KIRREL1: variants seen among roughly 807,000 people sequenced by gnomAD.
The protein encoded by KIRREL1 is kin of IRRE-like protein 1.
A neutral mutation model predicts 83.3 loss-of-function variants in KIRREL1; 25 were observed. That is an observed-to-expected ratio of 0.30 (90% CI 0.22 to 0.42). KIRREL1 has a LOEUF of 0.42. Ranked by LOEUF, KIRREL1 falls within the 10% of genes least tolerant of loss-of-function variation. The pLI, the probability that KIRREL1 is intolerant of heterozygous loss-of-function variation, is 1.00. For synonymous variants in KIRREL1, 388 were observed against 410.4 expected, an observed-to-expected ratio of 0.95 and a Z score of 0.66; for missense variants, 812 against 1,032.3, an observed-to-expected ratio of 0.79 and a Z score of 2.92.
chr1:158,004,492 G>A (rs1429817240), intron 1 of KIRREL1, among the ~76,000 whole-genome samples: 1 of 152,164 alleles, frequency 6.6e-6, no homozygotes, highest in East Asian at 1.9e-4. Flanking sequence ...TTAGAATTAG[G>A]TCTGTGTCTT....
At chr1:158,090,717 A>C (rs1164336100) in intron 10 of KIRREL1, among the ~76,000 whole-genome samples, 1 of 152,162 alleles carries the variant, frequency 6.6e-6, no homozygotes, top group Non-Finnish European at 1.5e-5. Flanking sequence ...AAGTCTGTGG[A>C]TCAGTCTCAG....
intron 1 of KIRREL1, among the ~76,000 whole-genome samples, chr1:158,027,034 G>T (rs886742986): frequency 7.9e-5 from 12 of 152,124 alleles, no homozygotes; most frequent in Non-Finnish European, 1.5e-4. Context: ...CCTGGAGATA[G>T]CATCAGATCC....
chr1:158,051,171 G>A lies in KIRREL1; in HGVS notation c.53-24942G>A, dbSNP rs534746117. Among the ~76,000 whole-genome samples, 19 of 152,308 alleles carry A rather than the reference G, an allele frequency of 1.2e-4. 1 individual carries two copies. The South Asian group carries it at 2.9e-3, about 23-fold the overall frequency. On this transcript the variant is annotated intron_variant, in intron 1 of 14. Transcript: ENST00000359209. ...AGAAGCACATGGGCAGCCCAGTGTA[G>A]TTGCAAGGTTTGCTCACACTCAGTG...
At chr1:158,074,750 G>A (rs7515793) in intron 1 of KIRREL1, among the ~76,000 whole-genome samples, 110,143 of 152,040 alleles carry the variant, frequency 0.72, 39,986 homozygotes, top group Admixed American at 0.77. Context: ...GGAAGGAAGG[G>A]GATGAGACTA....
At chr1:157,999,959 A>G (rs1278334180) in intron 1 of KIRREL1, among the ~76,000 whole-genome samples, 2 of 152,116 alleles carry the variant, frequency 1.3e-5, no homozygotes, top group African/African-American at 4.8e-5. Context: ...TGTTATCCCC[A>G]TTTTACAGAT....
At chr1:158,047,959 C>T (rs931159128) in intron 1 of KIRREL1, among the ~76,000 whole-genome samples, 1 of 152,166 alleles carries the variant, frequency 6.6e-6, no homozygotes, top group Non-Finnish European at 1.5e-5. Context: ...TCTGATGAAG[C>T]CAGAAACTTT....
At position 157,993,661 on chromosome 1, in the gene KIRREL1, A is replaced by T; in HGVS notation, c.-16A>T. 6.8e-7 allele frequency: 1 copy of T among 1,468,802 alleles called. No individual in the cohort carries two copies. The highest frequency in any genetic ancestry group is 9.0e-7 in the Non-Finnish European group (1 of 1,106,930). The allele number at this position is 1,468,802 out of a possible 1,614,324, so 91.0% of individuals were successfully genotyped here. Reference sequence around the variant, plus strand: ...CCGGGCCCCAGCCGCGGGCGGGCGCACGGCGGGCGGACAGCATGCTGAGCC... The same window carrying T: ...CCGGGCCCCAGCCGCGGGCGGGCGCTCGGCGGGCGGACAGCATGCTGAGCC... On this transcript the variant is annotated 5_prime_UTR_variant, in exon 1 of 15. Transcript: ENST00000359209.
intron 8 of KIRREL1, 125 bp downstream of exon 8, chr1:158,088,579 G>A (rs1662094438): frequency 2.5e-6 from 2 of 786,192 alleles, no homozygotes; most frequent in Non-Finnish European, 3.6e-6. Context: ...CCGCCTCCCG[G>A]GTTCACGCCA....
At chr1:158,039,298 C>T (rs955771811) in intron 1 of KIRREL1, among the ~76,000 whole-genome samples, 1 of 152,248 alleles carries the variant, frequency 6.6e-6, no homozygotes, top group Non-Finnish European at 1.5e-5. Context: ...TGGAAATGTA[C>T]TTCCCTTTAC....
At chr1:158,041,290 C>T (rs1032679886) in intron 1 of KIRREL1, among the ~76,000 whole-genome samples, 2 of 152,324 alleles carry the variant, frequency 1.3e-5, no homozygotes, top group Admixed American at 6.5e-5. Flanking sequence ...CATCTCACAA[C>T]TCCCGTGTGC....
intron 1 of KIRREL1, among the ~76,000 whole-genome samples, chr1:158,024,673 A>G (rs2101658685): frequency 6.6e-6 from 1 of 152,332 alleles, no homozygotes; most frequent in South Asian, 2.1e-4. Context: ...ATCCAACTGT[A>G]GAATGCCATA....
chr1:158,043,324 C>G (rs142527069), intron 1 of KIRREL1, among the ~76,000 whole-genome samples: 14 of 152,258 alleles, frequency 9.2e-5, no homozygotes, highest in African/African-American at 3.1e-4. Context: ...TCATTCCCCC[C>G]TTATGGAAAG....
At chr1:158,067,880 T>C (rs1349324845) in intron 1 of KIRREL1, among the ~76,000 whole-genome samples, 1 of 152,200 alleles carries the variant, frequency 6.6e-6, no homozygotes, top group Non-Finnish European at 1.5e-5. Context: ...CTGGCCTCTG[T>C]GGTCTGCTCA....
intron 1 of KIRREL1, among the ~76,000 whole-genome samples, chr1:158,012,664 T>C (rs190266556): frequency 1.1e-4 from 16 of 152,358 alleles, no homozygotes; most frequent in Admixed American, 5.2e-4. Flanking sequence ...CTTTATAACA[T>C]GGAATTCATA....
intron 1 of KIRREL1, among the ~76,000 whole-genome samples, chr1:157,998,449 A>G (rs1371995423): frequency 6.6e-6 from 1 of 152,248 alleles, no homozygotes; most frequent in East Asian, 1.9e-4. Flanking sequence ...CTTTGATGAT[A>G]TGATAAATCT....
intron 1 of KIRREL1, among the ~76,000 whole-genome samples, chr1:158,017,459 AG>A (rs1457500175): frequency 6.6e-6 from 1 of 151,910 alleles, no homozygotes; most frequent in Non-Finnish European, 1.5e-5. Context: ...TGGGAAGCTG[AG>A]GAGGGCGGAT....
intron 1 of KIRREL1, among the ~76,000 whole-genome samples, chr1:158,030,444 C>A (rs897686005): frequency 1.3e-5 from 2 of 152,186 alleles, no homozygotes; most frequent in Non-Finnish European, 2.9e-5. Flanking sequence ...CTCTGGAGAG[C>A]AGTGGAGTGT....
intron 2 of KIRREL1, 65 bp from the exon 3 acceptor site, chr1:158,077,926 G>T: frequency 6.3e-7 from 1 of 1,575,212 alleles, no homozygotes; most frequent in South Asian, 1.1e-5. Flanking sequence ...GAGGAGTACT[G>T]GTGTGGGATG....
At chr1:157,996,048 C>T (rs1262817714) in intron 1 of KIRREL1, among the ~76,000 whole-genome samples, 1 of 119,592 alleles carries the variant, frequency 8.4e-6, no homozygotes, top group Non-Finnish European at 1.6e-5. Flanking sequence ...CGGAGGGGGG[C>T]GCTACAAAAG....
Sources: allele counts gnomAD v4.1 joint callset (sites outside exome capture counted in the v4.1 genomes callset), GRCh38; gene constraint gnomAD v4.1.1; transcripts MANE v1.5; gene names NCBI Gene and HGNC (gene_info 2026-07-23, HGNC 2026-07-21).